Variants in PRDM1 observed in about 807,000 individuals in gnomAD.
The protein encoded by PRDM1 is PR/SET domain 1.
PRDM1 carries 13 observed loss-of-function variants against 62.8 expected under a neutral mutation model. The observed-to-expected ratio is 0.21, with a 90% CI of 0.13 to 0.33. PRDM1 has a LOEUF of 0.33. Among genes scored for constraint, PRDM1 ranks in the 10% least tolerant of loss-of-function variants. The pLI is 1.00. For missense variants in PRDM1, 895 were observed against 1,058.8 expected, an observed-to-expected ratio of 0.85 and a Z score of 2.15; for synonymous variants, 396 against 417.6, an observed-to-expected ratio of 0.95 and a Z score of 0.63.
At chr6:106,022,937 A>G (rs936648427) in intron 1 of PRDM1, among the ~76,000 whole-genome samples, 17 of 152,220 alleles carry the variant, frequency 1.1e-4, no homozygotes, top group African/African-American at 3.9e-4. Flanking sequence ...GGAGCTGTTC[A>G]GGGTCTTTGC....
intron 3 of PRDM1, 118 bp downstream of exon 3, chr6:106,095,852 A>G (rs1582467903): frequency 2.7e-6 from 3 of 1,102,996 alleles, no homozygotes; most frequent in Non-Finnish European, 3.9e-6. Context: ...ACCCATAAGT[A>G]TCCAGCATCC....
rs766430797 is a variant in PRDM1 at position 106,088,459 on chromosome 6, T to C, written c.291+10T>C. 23 of 1,613,888 alleles carry C rather than the reference T, an allele frequency of 1.4e-5. No individual in the cohort carries two copies. Among genetic ancestry groups the C allele is most frequent in the Non-Finnish European group, 1.9e-5 (23 of 1,179,914 alleles). ...CACCAACAGTGAAGAGGTAAGCCTC[T>C]GGTTTATTGACAAGAAGATTGGGGA... On this transcript the variant is annotated intron_variant, in intron 2 of 6. Coordinates refer to ENST00000369096, the MANE Select transcript of PRDM1 (RefSeq NM_001198.4).
chr6:106,056,130 T>C (rs1773262241), intron 1 of PRDM1, among the ~76,000 whole-genome samples: 1 of 152,176 alleles, frequency 6.6e-6, no homozygotes, highest in African/African-American at 2.4e-5. Context: ...CAGATGAAGC[T>C]ACAAAGCAGT....
At chr6:105,993,650 C>T (rs929029431) in intron 1 of PRDM1, among the ~76,000 whole-genome samples, 2 of 152,160 alleles carry the variant, frequency 1.3e-5, no homozygotes, top group Non-Finnish European at 2.9e-5. Context: ...GTCTTTAAAA[C>T]GTTACGTTTA....
At chr6:106,081,327 T>C (rs1210479237), upstream of PRDM1, among the ~76,000 whole-genome samples, 2 of 152,224 alleles carry the variant, frequency 1.3e-5, no homozygotes, top group Non-Finnish European at 2.9e-5. Flanking sequence ...AGTAAGTGCT[T>C]AGGATCCATT....
chr6:106,010,496 A>T (rs1772532400), intron 1 of PRDM1, among the ~76,000 whole-genome samples: 1 of 152,166 alleles, frequency 6.6e-6, no homozygotes, highest in African/African-American at 2.4e-5. Flanking sequence ...ATTAAATTCT[A>T]CATCTTTAGA....
In PRDM1 at chr6:106,108,744, G is replaced by C; in HGVS notation, c.*1258G>C. On this transcript the variant is annotated 3_prime_UTR_variant, in exon 7 of 7. Coordinates refer to ENST00000369096, the MANE Select transcript of PRDM1 (RefSeq NM_001198.4). ...AAAACTCAGATTTTCCTCAGTATTT[G>C]TGTTTTTACATTTTATGGTTAATTT... 4.3e-6 allele frequency: 1 copy of C among 233,158 alleles called. No homozygotes were observed. The highest frequency in any genetic ancestry group is 6.0e-5 in the East Asian group (1 of 16,652). The allele number at this position is 233,158 out of a possible 1,614,324, so 14.4% of individuals were successfully genotyped here.
chr6:106,084,427 C>A (rs1251431806), upstream of PRDM1, among the ~76,000 whole-genome samples: 1 of 152,196 alleles, frequency 6.6e-6, no homozygotes, highest in Non-Finnish European at 1.5e-5. Context: ...CTGGCATCTT[C>A]CAGTCATTAA....
intron 1 of PRDM1, among the ~76,000 whole-genome samples, chr6:105,999,152 T>G (rs1158515294): frequency 6.6e-6 from 1 of 151,922 alleles, no homozygotes; most frequent in Non-Finnish European, 1.5e-5. Flanking sequence ...TTGCCCAGGT[T>G]GGTCTCAAAC....
In PRDM1 at chr6:106,105,025, C is replaced by T. The variant is rs2114651430; in HGVS notation, c.865C>T (p.Pro289Ser). The change falls in exon 5 of 7, where the codon CCC becomes TCC. Residue 289 changes from proline to serine, a missense_variant. Around this residue, in one of 4 missense-constraint regions of PRDM1, gnomAD observed 444 missense variants for 422.7 expected, o/e 1.05. Coordinates refer to ENST00000369096, the MANE Select transcript of PRDM1 (RefSeq NM_001198.4). ...CGATGACTTTAGAAGACGTGGGAGC[C>T]CCGAAATGCCCTTCTACCCTCGGGT... is the stretch of plus-strand genomic sequence containing the variant. ...DLDDFRRRGSPEMPFYPRVVY... is the reference protein window; with the variant it reads ...DLDDFRRRGSSEMPFYPRVVY... 1 of 1,614,128 alleles carries T rather than the reference C, an allele frequency of 6.2e-7. No individual in the cohort carries two copies. The highest frequency in any genetic ancestry group is 8.5e-7 in the Non-Finnish European group (1 of 1,180,022).
At chr6:106,013,993 T>C (rs1772587585) in intron 1 of PRDM1, among the ~76,000 whole-genome samples, 1 of 152,140 alleles carries the variant, frequency 6.6e-6, no homozygotes, top group Non-Finnish European at 1.5e-5. Flanking sequence ...TCTAAATGTA[T>C]TTATTTGTTT....
intron 1 of PRDM1, among the ~76,000 whole-genome samples, chr6:106,017,331 G>C (rs1772634277): frequency 1.3e-5 from 2 of 152,318 alleles, no homozygotes; most frequent in Admixed American, 1.3e-4. Context: ...AACATATTTA[G>C]ATGATAGGAA....
At position 106,088,360 on chromosome 6, in the gene PRDM1, G is replaced by A; in HGVS notation, c.202G>A (p.Asp68Asn). The change falls in exon 2 of 7, where the codon GAT becomes AAT. Residue 68 changes from aspartate to asparagine, a missense_variant. By Grantham distance (23) the Asp-to-Asn change is conservative (BLOSUM62 1). Coordinates refer to ENST00000369096, the MANE Select transcript of PRDM1 (RefSeq NM_001198.4). ...ATACATTGTGAACGACCACCCCTGG[G>A]ATTCTGGTGCTGATGGCGGTACTTC... ...CTYIVNDHPW[D>N]SGADGGTSVQ... The A allele has an allele frequency of 6.2e-7, 1 of 1,614,150 alleles. No homozygotes were observed. The highest frequency in any genetic ancestry group is 8.5e-7 in the Non-Finnish European group (1 of 1,180,032).
chr6:106,020,611 C>T (rs9480634), intron 1 of PRDM1, among the ~76,000 whole-genome samples: 98,792 of 152,044 alleles, frequency 0.65, 32,750 homozygotes, highest in East Asian at 0.83. Context: ...ATCCAGTCCA[C>T]GTCTACAAAA....
At chr6:106,099,667 G>A in intron 4 of PRDM1, 115 bp downstream of exon 4, 1 of 1,431,814 alleles carries the variant, frequency 7.0e-7, no homozygotes, top group South Asian at 1.4e-5. Flanking sequence ...GATGAAGTAG[G>A]TGGCTTAAGC....
Position 106,049,138 on chromosome 6 carries a change from A to G in PRDM1, c.-67+424A>G, listed in dbSNP as rs569663148. Among the ~76,000 whole-genome samples, 6 of 152,258 alleles carry G rather than the reference A, an allele frequency of 3.9e-5. No homozygotes were observed. In the South Asian group the frequency reaches 1.2e-3, roughly 32 times the overall value. On this transcript the variant is annotated intron_variant, in intron 1 of 6. Transcript: ENST00000651185. Reference sequence around the variant, plus strand: ...GCCCCATTTCCAATTTTATATTAGCACTTTTGGAGGCAGCAGAGAATGTGG... The same window carrying G: ...GCCCCATTTCCAATTTTATATTAGCGCTTTTGGAGGCAGCAGAGAATGTGG...
At position 106,107,357 on chromosome 6, in the gene PRDM1, A is replaced by T. The variant is rs769773968; in HGVS notation, c.2349A>T (p.Gly783=). 4 of 1,613,472 alleles carry T rather than the reference A, an allele frequency of 2.5e-6. No homozygotes were observed. In the East Asian group the frequency reaches 8.9e-5, roughly 36 times the overall value. Residue 783 remains glycine, a synonymous_variant, in exon 7 of 7, where the codon GGA becomes GGT. Coordinates refer to ENST00000369096, the MANE Select transcript of PRDM1 (RefSeq NM_001198.4). The part of the protein sequence containing the change: ...KVSLQRNMGN[G]LLSSGCSLYE... ...CTTTGCAAAGAAACATGGGGAATGG[A>T]CTCCTCTCCTCAGGGTGCAGCCTTT... is the stretch of plus-strand genomic sequence containing the variant.
At chr6:106,014,693 T>C (rs964608665) in intron 1 of PRDM1, among the ~76,000 whole-genome samples, 33 of 150,948 alleles carry the variant, frequency 2.2e-4, no homozygotes, top group Admixed American at 2.1e-3. Context: ...AATATTATAA[T>C]ACAGTTAATC....
At chr6:105,998,431 CT>C (rs1230196292) in intron 1 of PRDM1, among the ~76,000 whole-genome samples, 2 of 152,030 alleles carry the variant, frequency 1.3e-5, no homozygotes, top group African/African-American at 4.8e-5. Flanking sequence ...CTTGAAAAAA[CT>C]TTTTAGAACA....
Sources: gnomAD v4.1 joint callset for allele counts (sites outside exome capture counted in the v4.1 genomes callset) on GRCh38, gnomAD v4.1.1 for gene constraint, gnomAD v4.1.1 regional missense constraint, MANE v1.5 for transcripts, NCBI Gene and HGNC (gene_info 2026-07-23, HGNC 2026-07-21) for gene names.